CA10: variants seen among roughly 807,000 people sequenced by gnomAD.
The protein encoded by CA10 is carbonic anhydrase 10 (inactive).
Under a neutral mutation model 44.2 loss-of-function variants are expected in CA10, and 14 were observed. That is an observed-to-expected ratio of 0.32 (90% CI 0.21 to 0.50). The LOEUF (loss-of-function observed/expected upper bound fraction) is 0.50, where lower values mean the gene tolerates loss of function less well. CA10 is among the 20% of genes least tolerant of loss of function. CA10 has a pLI of 0.99. For synonymous variants in CA10, 159 were observed against 141.6 expected (o/e 1.12, Z -0.87); for missense variants, 350 against 409.7 (o/e 0.85, Z 1.26).
chr17:52,056,015 G>T (rs1029573252), intron 2 of CA10, among the ~76,000 whole-genome samples: 1 of 152,074 alleles, frequency 6.6e-6, no homozygotes, highest in African/African-American at 2.4e-5. Context: ...TAGGGTGGGA[G>T]ATTTTGTAGT....
At chr17:51,869,423 C>T (rs892843848) in intron 3 of CA10, among the ~76,000 whole-genome samples, 7 of 152,148 alleles carry the variant, frequency 4.6e-5, no homozygotes, top group African/African-American at 1.2e-4. Flanking sequence ...AGTTTCCTGA[C>T]GTGAAAGTTT....
Position 51,717,715 on chromosome 17 carries a change from ATACG to A in CA10, c.465+29914_465+29917del, listed in dbSNP as rs1467375568. Among the ~76,000 whole-genome samples, 43 of 30,580 alleles carry A rather than the reference ATACG, an allele frequency of 1.4e-3. 6 individuals are homozygous for A. The highest frequency in any genetic ancestry group is 2.8e-3 in the African/African-American group (33 of 11,974). The allele number at this position is 30,580 out of a possible 152,430, so 20.1% of individuals were successfully genotyped here. Reference sequence around the variant, plus strand: ...CATATATGCATGTATATATACATATATACGTATATATACATATATACGTATATAT... The same window carrying A: ...CATATATGCATGTATATATACATATATATATATACATATATACGTATATAT... On this transcript the variant is annotated intron_variant, in intron 4 of 8. Coordinates refer to ENST00000451037, the MANE Select transcript of CA10 (RefSeq NM_020178.5).
At chr17:51,727,098 C>T (rs1221951573) in intron 4 of CA10, among the ~76,000 whole-genome samples, 1 of 152,182 alleles carries the variant, frequency 6.6e-6, no homozygotes, top group Non-Finnish European at 1.5e-5. Flanking sequence ...CTCCCTGTTG[C>T]CTCCACACCA....
intron 2 of CA10, among the ~76,000 whole-genome samples, chr17:51,946,284 A>G (rs1983268898): frequency 6.6e-6 from 1 of 152,172 alleles, no homozygotes; most frequent in Admixed American, 6.5e-5. Context: ...AAGTGCTAAG[A>G]ACAGATTTTA....
intron 1 of CA10, among the ~76,000 whole-genome samples, chr17:52,150,974 C>A (rs1306735041): frequency 1.3e-5 from 2 of 151,718 alleles, no homozygotes; most frequent in Non-Finnish European, 2.9e-5. Flanking sequence ...CCATAATGGG[C>A]AAATTGATCT....
chr17:52,072,226 C>T (rs1309753659), intron 2 of CA10, 93 bp downstream of exon 2: 3 of 854,430 alleles, frequency 3.5e-6, no homozygotes, highest in Non-Finnish European at 5.6e-6. Context: ...AATTAGACTG[C>T]CTCACCTTTT....
intron 2 of CA10, among the ~76,000 whole-genome samples, chr17:52,017,715 T>C (rs981752373): frequency 5.9e-5 from 9 of 152,072 alleles, no homozygotes; most frequent in African/African-American, 1.9e-4. Context: ...GGAAAGACCA[T>C]TTTCAGGAGA....
intron 1 of CA10, among the ~76,000 whole-genome samples, chr17:52,148,942 A>G (rs553296376): frequency 5.3e-5 from 8 of 152,288 alleles, no homozygotes; most frequent in South Asian, 2.1e-4. Flanking sequence ...TCTTCCATAT[A>G]TATTACTTTA....
intron 2 of CA10, among the ~76,000 whole-genome samples, chr17:52,069,344 T>C (rs142129171): frequency 2.0e-5 from 3 of 152,268 alleles, no homozygotes; most frequent in African/African-American, 7.2e-5. Flanking sequence ...CCTCTGGGGC[T>C]GGTAAGGGGC....
At chr17:51,713,258 C>T (rs750727526) in intron 4 of CA10, among the ~76,000 whole-genome samples, 24 of 152,240 alleles carry the variant, frequency 1.6e-4, no homozygotes, top group Middle Eastern at 3.4e-3. Context: ...GCTGGATCAA[C>T]GGCTGGACTT....
intron 2 of CA10, among the ~76,000 whole-genome samples, chr17:52,013,887 G>A (rs11871203): frequency 0.063 from 9,516 of 151,908 alleles, 310 homozygotes; most frequent in South Asian, 0.12. Flanking sequence ...TTCATGGAGC[G>A]CTTACTGTGC....
At chr17:52,100,971 T>A (rs1470116902) in intron 1 of CA10, among the ~76,000 whole-genome samples, 1 of 152,238 alleles carries the variant, frequency 6.6e-6, no homozygotes, top group Non-Finnish European at 1.5e-5. Context: ...ACAGTCCAGA[T>A]ATTAGCTAAT....
Position 51,635,901 on chromosome 17 carries a change from G to T in CA10, c.743C>A (p.Ala248Glu). The T allele has an allele frequency of 6.2e-7, 1 of 1,608,744 alleles. No individual in the cohort carries two copies. Among genetic ancestry groups the T allele is most frequent in the Non-Finnish European group, 8.5e-7 (1 of 1,176,580 alleles). The change falls in exon 7 of 9, where the codon GCA becomes GAA. Residue 248 changes from alanine (A) to glutamate (E), a missense_variant. Coordinates refer to ENST00000451037, the MANE Select transcript of CA10 (RefSeq NM_020178.5). ...AGGTTTGTTCATTATGATCCAACTTGCTGTCTCATAGCAGGGTGGGATAGT... is the reference window on the plus strand; with the variant it reads ...AGGTTTGTTCATTATGATCCAACTTTCTGTCTCATAGCAGGGTGGGATAGT... ...SMTIPPCYET[A>E]SWIIMNKPVY...
At chr17:51,965,274 G>T (rs1984039467) in intron 2 of CA10, among the ~76,000 whole-genome samples, 1 of 151,584 alleles carries the variant, frequency 6.6e-6, no homozygotes, top group Admixed American at 6.6e-5. Flanking sequence ...CCAAACCAGA[G>T]AGATTCACAG....
intron 8 of CA10, among the ~76,000 whole-genome samples, chr17:51,632,516 A>C (rs561234591): frequency 2.0e-5 from 3 of 152,322 alleles, no homozygotes; most frequent in Non-Finnish European, 2.9e-5. Context: ...CTGTCTGGTA[A>C]TAACCACAGC....
At chr17:51,842,428 A>AT (rs1292982513) in intron 3 of CA10, among the ~76,000 whole-genome samples, 1 of 152,164 alleles carries the variant, frequency 6.6e-6, no homozygotes, top group Non-Finnish European at 1.5e-5. Flanking sequence ...GAAATGTAAA[A>AT]ATATATCCTG....
At chr17:51,841,221 T>C (rs935115930) in intron 3 of CA10, among the ~76,000 whole-genome samples, 1 of 152,226 alleles carries the variant, frequency 6.6e-6, no homozygotes, top group South Asian at 2.1e-4. Flanking sequence ...TCATTCATAG[T>C]TGCCATCTTC....
intron 3 of CA10, among the ~76,000 whole-genome samples, chr17:51,821,017 C>G (rs945815744): frequency 1.6e-5 from 2 of 123,698 alleles, no homozygotes; most frequent in Non-Finnish European, 3.5e-5. Context: ...CCCTCCCTCC[C>G]TTAATTCCTC....
chr17:51,718,023 G>A (rs1021320092), intron 4 of CA10, among the ~76,000 whole-genome samples: 4 of 148,888 alleles, frequency 2.7e-5, no homozygotes, highest in African/African-American at 7.4e-5. Context: ...CTCTGAAGAC[G>A]TAAAGGCATA....
Sources: gnomAD v4.1 joint callset for allele counts (sites outside exome capture counted in the v4.1 genomes callset) on GRCh38, gnomAD v4.1.1 for gene constraint, MANE v1.5 for transcripts, NCBI Gene and HGNC (gene_info 2026-07-23, HGNC 2026-07-21) for gene names.